FAM227B: variants seen among roughly 807,000 people sequenced by gnomAD.
The protein encoded by FAM227B is protein FAM227B.
A neutral mutation model predicts 73.8 loss-of-function variants in FAM227B; 88 were observed. That is an observed-to-expected ratio of 1.19 (90% CI 1.00 to 1.42). The LOEUF (loss-of-function observed/expected upper bound fraction) is 1.42, where lower values mean the gene tolerates loss of function less well. Ranked by LOEUF, FAM227B falls within the 40% of genes most tolerant of loss-of-function variation. FAM227B has a pLI of 0.00. For synonymous variants in FAM227B, 210 were observed against 190.5 expected, an observed-to-expected ratio of 1.10 and a Z score of -0.84; for missense variants, 632 against 590.9, an observed-to-expected ratio of 1.07 and a Z score of -0.72.
intron 13 of FAM227B, among the ~76,000 whole-genome samples, chr15:49,339,061 A>G (rs2040263128): frequency 6.6e-6 from 1 of 152,150 alleles, no homozygotes; most frequent in Non-Finnish European, 1.5e-5. Flanking sequence ...GCTTGCTTGC[A>G]TTGGGTCAGA....
intron 3 of FAM227B, among the ~76,000 whole-genome samples, chr15:49,603,939 A>T (rs2077357119): frequency 6.6e-6 from 1 of 152,180 alleles, no homozygotes; most frequent in African/African-American, 2.4e-5. Context: ...TTCTGTTGAT[A>T]TGACATATCA....
At chr15:49,591,577 C>T (rs569501499) in intron 3 of FAM227B, among the ~76,000 whole-genome samples, 1 of 147,712 alleles carries the variant, frequency 6.8e-6, no homozygotes, top group South Asian at 2.2e-4. Context: ...CCTCCGCCTC[C>T]AAGGTTCAAG....
chr15:49,381,886 T>A (rs975561615), intron 11 of FAM227B, among the ~76,000 whole-genome samples: 8 of 152,122 alleles, frequency 5.3e-5, no homozygotes, highest in African/African-American at 1.9e-4. Context: ...AGTTGACCAG[T>A]TAGACAATAA....
intron 9 of FAM227B, among the ~76,000 whole-genome samples, chr15:49,553,148 A>T (rs2073237701): frequency 6.6e-6 from 1 of 152,182 alleles, no homozygotes; most frequent in South Asian, 2.1e-4. Flanking sequence ...GGGTGTTGTG[A>T]TATAAGCTGT....
chr15:49,435,671 T>A (rs758111204), intron 11 of FAM227B, among the ~76,000 whole-genome samples: 2 of 151,578 alleles, frequency 1.3e-5, no homozygotes, highest in Non-Finnish European at 3.0e-5. Flanking sequence ...TGGCCAGATA[T>A]TGAATAATAA....
Position 49,543,994 on chromosome 15 carries a change from A to G in FAM227B, c.748-2188T>C, listed in dbSNP as rs905796658. 2.0e-5 allele frequency among the ~76,000 whole-genome samples: 3 copies of G among 152,058 alleles called. 1 individual carries two copies. Among genetic ancestry groups the G allele is most frequent in the African/African-American group, 7.2e-5 (3 of 41,442 alleles). On this transcript the variant is annotated intron_variant, in intron 9 of 15. Transcript: ENST00000299338. The stretch of plus-strand genomic sequence containing the variant: ...TTGGCTTTGTGGGATTTTTGGTTCC[A>G]TATGAATTTTAGAATTTTTTCTAGT...
At chr15:49,360,988 A>T (rs1431036343) in intron 13 of FAM227B, among the ~76,000 whole-genome samples, 3 of 152,056 alleles carry the variant, frequency 2.0e-5, no homozygotes, top group South Asian at 2.1e-4. Flanking sequence ...GATTTAGGCA[A>T]ATCACTCCTT....
At chr15:49,402,135 C>T (rs181892871) in intron 11 of FAM227B, among the ~76,000 whole-genome samples, 1 of 152,096 alleles carries the variant, frequency 6.6e-6, no homozygotes, top group Non-Finnish European at 1.5e-5. Flanking sequence ...CAAGTAACAT[C>T]ATCTTCAGAC....
intron 2 of FAM227B, among the ~76,000 whole-genome samples, chr15:49,612,028 A>G (rs777178396): frequency 1.2e-4 from 17 of 141,530 alleles, no homozygotes; most frequent in Non-Finnish European, 2.6e-4. Flanking sequence ...TCATGGCTGA[A>G]TTTTCTTTTT....
chr15:49,538,839 AGTATCTTTTTCTATTGTT>A (rs1233326154), intron 10 of FAM227B, among the ~76,000 whole-genome samples: 1 of 151,844 alleles, frequency 6.6e-6, no homozygotes, highest in African/African-American at 2.4e-5. Context: ...ATTGTTTTCA[AGTATCTTTTTCTATTGTT>A]TAGTTGTCTA....
chr15:49,539,007 T>C (rs966344607), intron 10 of FAM227B, among the ~76,000 whole-genome samples: 3 of 152,172 alleles, frequency 2.0e-5, no homozygotes, highest in African/African-American at 7.2e-5. Context: ...TTGTTTTCCT[T>C]GTTTCTTTTT....
chr15:49,423,444 A>G (rs1295335505), intron 11 of FAM227B: 1 of 152,164 alleles, frequency 6.6e-6, no homozygotes, highest in African/African-American at 2.4e-5. Flanking sequence ...AAAACAAGTA[A>G]GTTACTGTTA....
At chr15:49,427,487 T>G (rs1006288377) in intron 11 of FAM227B, among the ~76,000 whole-genome samples, 1 of 152,062 alleles carries the variant, frequency 6.6e-6, no homozygotes, top group Non-Finnish European at 1.5e-5. Context: ...CAGGTTGTCA[T>G]GTCAATCACC....
At chr15:49,426,534 T>C (rs1256705702) in intron 11 of FAM227B, among the ~76,000 whole-genome samples, 3 of 151,944 alleles carry the variant, frequency 2.0e-5, no homozygotes. Flanking sequence ...TCAACTGGAA[T>C]ACATTTGCAT....
At chr15:49,604,944 T>TA (rs1204015230) in intron 3 of FAM227B, among the ~76,000 whole-genome samples, 1 of 151,896 alleles carries the variant, frequency 6.6e-6, no homozygotes, top group East Asian at 1.9e-4. Context: ...TTTTGTTCCT[T>TA]TATTGTTTTC....
chr15:49,366,738 G>A (rs929916861), intron 13 of FAM227B: 6 of 925,564 alleles, frequency 6.5e-6, no homozygotes, highest in Admixed American at 4.3e-5. Context: ...AGGTGGGGTA[G>A]GCTGGGAGTC....
chr15:49,489,852 T>TA (rs1479674730), intron 11 of FAM227B, among the ~76,000 whole-genome samples: 2 of 15,578 alleles, frequency 1.3e-4, no homozygotes, highest in Admixed American at 1.4e-3. Context: ...TATATATATA[T>TA]ATATATTTTA....
chr15:49,327,589 G>T lies in FAM227B; in HGVS notation c.*979C>A. The stretch of plus-strand genomic sequence containing the variant: ...GGTTGCCTACATTTCTTTTACCATT[G>T]CCTGTTTTATCTTAACGCCTCCTTC... On this transcript the variant is annotated 3_prime_UTR_variant, in exon 16 of 16. Transcript: ENST00000299338. The T allele has an allele frequency of 6.2e-6, 1 of 161,100 alleles. No homozygotes were observed. Among genetic ancestry groups the T allele is most frequent in the Non-Finnish European group, 1.3e-5 (1 of 74,202 alleles). 10.0% of individuals were successfully genotyped at this position (161,100 alleles called of 1,614,324 possible).
chr15:49,396,255 T>C (rs549803368), intron 11 of FAM227B: 2 of 387,790 alleles, frequency 5.2e-6, no homozygotes, highest in Non-Finnish European at 1.0e-5. Context: ...TGGAAAATCG[T>C]GTCACTCCCA....
Sources: gnomAD v4.1 joint callset for allele counts (sites outside exome capture counted in the v4.1 genomes callset) on GRCh38, gnomAD v4.1.1 for gene constraint, MANE v1.5 for transcripts, NCBI Gene and HGNC (gene_info 2026-07-23, HGNC 2026-07-21) for gene names.